The following PIGN variants were observed in gnomAD, a reference collection of about 807,000 sequenced individuals.
PIGN encodes GPI ethanolamine phosphate transferase 1.
A neutral mutation model predicts 125.4 loss-of-function variants in PIGN; 117 were observed. That is an observed-to-expected ratio of 0.93 (90% CI 0.80 to 1.09). The LOEUF is 1.09. Among genes scored for constraint, PIGN ranks in the 50% least tolerant of loss-of-function variants. PIGN has a pLI of 0.00. For synonymous variants in PIGN, 392 were observed against 377.8 expected (o/e 1.04, Z -0.44); for missense variants, 1,075 against 1,094.9 (o/e 0.98, Z 0.26).
Position 62,141,629 on chromosome 18 carries a change from C to T in PIGN, c.964-1150G>A, listed in dbSNP as rs1427218361. Among the ~76,000 whole-genome samples the T allele has an allele frequency of 2.6e-5, 4 of 152,206 alleles. No homozygotes were observed. In the South Asian group the frequency reaches 8.3e-4, roughly 32 times the overall value. On this transcript the variant is annotated intron_variant, in intron 11 of 30. Transcript: ENST00000640252. Reference sequence around the variant, plus strand: ...CCAAAGTCTTCCTAGTCACCTTTTCCTTTTCCCTCAGAATCCACTGTCGGC... The same window carrying T: ...CCAAAGTCTTCCTAGTCACCTTTTCTTTTTCCCTCAGAATCCACTGTCGGC...
chr18:62,041,867 C>G lies in PIGN; in HGVS notation c.*3989G>C, dbSNP rs956248916. 1 of 151,810 alleles carries G rather than the reference C, an allele frequency of 6.6e-6. No homozygotes were observed. The highest frequency in any genetic ancestry group is 1.5e-5 in the Non-Finnish European group (1 of 67,978). The allele number at this position is 151,810 out of a possible 1,614,324, so 9.4% of individuals were successfully genotyped here. A position where few individuals can be genotyped will look rare whatever the true frequency, so the allele number is the denominator to read the frequency against. On this transcript the variant is annotated 3_prime_UTR_variant, in exon 31 of 31. Transcript: ENST00000640252. ...TTATGTTTACCAATCAGGAAGAAAA[C>G]TCTAAGACAGGGTCTGCTGTCAAGC... is the stretch of plus-strand genomic sequence containing the variant.
chr18:62,053,644 T>C (rs575007733), intron 30 of PIGN, among the ~76,000 whole-genome samples: 11 of 152,280 alleles, frequency 7.2e-5, no homozygotes, highest in African/African-American at 2.4e-4. Context: ...TAAAATAGAC[T>C]TCAGAGCAAA....
intron 1 of PIGN, among the ~76,000 whole-genome samples, chr18:62,165,336 C>A (rs1394874089): frequency 1.3e-5 from 2 of 152,164 alleles, no homozygotes; most frequent in Non-Finnish European, 2.9e-5. Context: ...ACTAAATAAA[C>A]CTCTTTTCTT....
intron 23 of PIGN, among the ~76,000 whole-genome samples, chr18:62,027,811 G>A (rs771753908): frequency 1.3e-5 from 2 of 152,128 alleles, no homozygotes; most frequent in Non-Finnish European, 2.9e-5. Flanking sequence ...GAAGGCTGAG[G>A]TGGGAGGATT....
intron 9 of PIGN, among the ~76,000 whole-genome samples, chr18:62,146,756 C>T (rs1022490186): frequency 1.3e-5 from 2 of 152,090 alleles, no homozygotes; most frequent in Non-Finnish European, 2.9e-5. Context: ...TCTAGTTTGT[C>T]ATTTGTAAAT....
intron 20 of PIGN, chr18:62,103,789 C>CT (rs1209063439): frequency 6.6e-6 from 1 of 152,166 alleles, no homozygotes; most frequent in African/African-American, 2.4e-5. Flanking sequence ...CAAATACACT[C>CT]TTTGAGAATC....
chr18:62,046,198 T>C (rs193077784), intron 30 of PIGN, among the ~76,000 whole-genome samples: 1 of 152,266 alleles, frequency 6.6e-6, no homozygotes, highest in East Asian at 1.9e-4. Context: ...TCCAGGACCT[T>C]CCACGAATAC....
At chr18:62,178,843 A>G (rs2037618572) in intron 1 of PIGN, among the ~76,000 whole-genome samples, 1 of 152,146 alleles carries the variant, frequency 6.6e-6, no homozygotes, top group African/African-American at 2.4e-5. Flanking sequence ...ACTAGAGGTT[A>G]TTAGTTCTTT....
chr18:62,123,858 GAGA>G (rs947861956), intron 14 of PIGN, among the ~76,000 whole-genome samples: 13 of 151,722 alleles, frequency 8.6e-5, no homozygotes, highest in East Asian at 1.9e-4. Flanking sequence ...TGGAAGGCCA[GAGA>G]AGAAGAAGAT....
intron 14 of PIGN, among the ~76,000 whole-genome samples, chr18:62,123,284 T>A (rs2035380624): frequency 6.6e-6 from 1 of 152,058 alleles, no homozygotes; most frequent in South Asian, 2.1e-4. Context: ...TAGAAAAAAA[T>A]TCTTAAAGCC....
intron 7 of PIGN, among the ~76,000 whole-genome samples, chr18:62,149,828 G>A (rs1305932978): frequency 6.6e-6 from 1 of 152,128 alleles, no homozygotes; most frequent in Non-Finnish European, 1.5e-5. Flanking sequence ...AACCACTATA[G>A]CATCCTGGAC....
intron 14 of PIGN, among the ~76,000 whole-genome samples, chr18:62,126,450 G>T (rs905817521): frequency 6.6e-6 from 1 of 152,098 alleles, no homozygotes; most frequent in East Asian, 1.9e-4. Flanking sequence ...AAGAACTAGT[G>T]TAAACTATGA....
intron 30 of PIGN, among the ~76,000 whole-genome samples, chr18:62,056,479 T>G (rs2031734894): frequency 6.6e-6 from 1 of 151,278 alleles, no homozygotes; most frequent in Non-Finnish European, 1.5e-5. Context: ...CTCAAAGTCC[T>G]GTCACCTTCC....
chr18:62,098,467 A>G (rs2034301403), intron 22 of PIGN, among the ~76,000 whole-genome samples: 1 of 152,204 alleles, frequency 6.6e-6, no homozygotes, highest in Non-Finnish European at 1.5e-5. Context: ...AGTCAGTTCA[A>G]ATGAGACCTC....
rs654159 is a variant in PIGN, at chr18:62,066,714, G to A, written c.2672+5959C>T. On this transcript the variant is annotated intron_variant, in intron 30 of 30. Coordinates refer to ENST00000640252, the MANE Select transcript of PIGN (RefSeq NM_176787.5). ...ACAGCCTTGCTGTGACCTTGTGGGA[G>A]GCTCTCTGCCTCTACTCTGCTCTGG... 4.4e-3 allele frequency among the ~76,000 whole-genome samples: 665 copies of A among 152,248 alleles called. 4 individuals are homozygous for A. The highest frequency in any genetic ancestry group is 0.015 in the African/African-American group (632 of 41,526).
At chr18:62,138,799 C>T (rs2036029080) in intron 13 of PIGN, among the ~76,000 whole-genome samples, 184 bp downstream of exon 13, 1 of 152,102 alleles carries the variant, frequency 6.6e-6, no homozygotes, top group Non-Finnish European at 1.5e-5. Flanking sequence ...AATTTTATGT[C>T]CTCAGACTGA....
chr18:62,149,849 C>A (rs957392943), intron 7 of PIGN, among the ~76,000 whole-genome samples: 1 of 152,196 alleles, frequency 6.6e-6, no homozygotes, highest in African/African-American at 2.4e-5. Flanking sequence ...TGCATCAATG[C>A]TCAGCTGCCT....
At chr18:62,024,146 G>A (rs2030086903) in intron 23 of PIGN, among the ~76,000 whole-genome samples, 1 of 152,182 alleles carries the variant, frequency 6.6e-6, no homozygotes, top group African/African-American at 2.4e-5. Context: ...GCTGATGCAT[G>A]TTAATTAATT....
chr18:62,065,910 G>T (rs1022848646), intron 30 of PIGN, among the ~76,000 whole-genome samples: 1 of 152,056 alleles, frequency 6.6e-6, no homozygotes, highest in Non-Finnish European at 1.5e-5. Flanking sequence ...TAAGCAAAGG[G>T]GATGCTGCAG....
Sources: allele counts gnomAD v4.1 joint callset (sites outside exome capture counted in the v4.1 genomes callset), GRCh38; gene constraint gnomAD v4.1.1; transcripts MANE v1.5; gene names NCBI Gene and HGNC (gene_info 2026-07-23, HGNC 2026-07-21).